Variants in TMEM192 observed in about 807,000 individuals in gnomAD.
TMEM192 encodes transmembrane protein 192.
Under a neutral mutation model 26.7 loss-of-function variants are expected in TMEM192, and 20 were observed. That is an observed-to-expected ratio of 0.75 (90% CI 0.53 to 1.09). TMEM192 has a LOEUF of 1.09. Among genes scored for constraint, TMEM192 ranks in the 50% least tolerant of loss-of-function variants. TMEM192 has a pLI of 0.00. For synonymous variants in TMEM192, 124 were observed against 121.0 expected, an observed-to-expected ratio of 1.02 and a Z score of -0.16; for missense variants, 304 against 322.6, an observed-to-expected ratio of 0.94 and a Z score of 0.44.
rs1382156678 is a variant in TMEM192, at chr4:165,077,921, GAC to G, written c.*1735_*1736del. 6.6e-6 allele frequency: 1 copy of G among 150,910 alleles called. No homozygotes were observed. Among genetic ancestry groups the G allele is most frequent in the East Asian group, 1.9e-4 (1 of 5,150 alleles). The allele number at this position is 150,910 out of a possible 1,614,324, so 9.3% of individuals were successfully genotyped here. A position where few individuals can be genotyped will look rare whatever the true frequency, so the allele number is the denominator to read the frequency against. ...TAGTTTGTGAATGTTGTGTGCAGGT[GAC>G]ACACGATCTTTTTTTTTTTTTTTTG... On this transcript the variant is annotated 3_prime_UTR_variant, in exon 6 of 6. Coordinates refer to ENST00000306480, the MANE Select transcript of TMEM192 (RefSeq NM_001100389.2).
In TMEM192 at chr4:165,079,509, C is replaced by T. The variant is rs1014937275; in HGVS notation, c.*149G>A. Reference sequence around the variant, plus strand: ...ACAAGCCCTATATTTTAAACAGCCACAGAAGTCAGAACCAAATTCAGGTTT... The same window carrying T: ...ACAAGCCCTATATTTTAAACAGCCATAGAAGTCAGAACCAAATTCAGGTTT... On this transcript the variant is annotated 3_prime_UTR_variant, in exon 6 of 6. Coordinates refer to ENST00000306480, the MANE Select transcript of TMEM192 (RefSeq NM_001100389.2). The T allele has an allele frequency of 1.2e-6, 1 of 832,452 alleles. No homozygotes were observed. The allele number at this position is 832,452 out of a possible 1,614,324, so 51.6% of individuals were successfully genotyped here. A position where few individuals can be genotyped will look rare whatever the true frequency, so the allele number is the denominator to read the frequency against.
At chr4:165,088,731 T>G in intron 3 of TMEM192, 129 bp from the exon 4 acceptor site, 1 of 909,166 alleles carries the variant, frequency 1.1e-6, no homozygotes, top group Non-Finnish European at 1.6e-6. Context: ...TCCTGAGTGA[T>G]CAGAGCCTTC....
chr4:165,093,097 CTTT>C (rs35970962), intron 3 of TMEM192, among the ~76,000 whole-genome samples: 1 of 120,950 alleles, frequency 8.3e-6, no homozygotes, highest in African/African-American at 3.1e-5. Context: ...TTTTTTTCTT[CTTT>C]TTTTTTTTTT....
At chr4:165,098,899 A>G (rs543595506) in intron 3 of TMEM192, among the ~76,000 whole-genome samples, 7 of 151,544 alleles carry the variant, frequency 4.6e-5, no homozygotes, top group Admixed American at 3.3e-4. Flanking sequence ...ATGAGGTTTC[A>G]CCATGTTGGC....
chr4:165,112,305 C>T (rs1578917835), intron 1 of TMEM192, among the ~76,000 whole-genome samples: 1 of 152,206 alleles, frequency 6.6e-6, no homozygotes, highest in African/African-American at 2.4e-5. Context: ...GGGACCTCAC[C>T]AGGAAGGGAG....
In TMEM192 at chr4:165,077,333, C is replaced by G. The variant is rs890851794; in HGVS notation, c.*2325G>C. On this transcript the variant is annotated 3_prime_UTR_variant, in exon 6 of 6. Transcript: ENST00000306480. Reference sequence around the variant, plus strand: ...TTAAAAATAAATAAGAGTTAATCATCTACCACTGGTGTTCCCTTTTGAAAA... The same window carrying G: ...TTAAAAATAAATAAGAGTTAATCATGTACCACTGGTGTTCCCTTTTGAAAA... 8 of 152,316 alleles carry G rather than the reference C, an allele frequency of 5.3e-5. No homozygotes were observed. Among genetic ancestry groups the G allele is most frequent in the African/African-American group, 1.9e-4 (8 of 41,574 alleles). 9.4% of individuals were successfully genotyped at this position (152,316 alleles called of 1,614,324 possible).
At chr4:165,094,399 C>A (rs1439396819) in intron 3 of TMEM192, among the ~76,000 whole-genome samples, 1 of 152,114 alleles carries the variant, frequency 6.6e-6, no homozygotes, top group African/African-American at 2.4e-5. Flanking sequence ...TTTTGTTTTA[C>A]ATCACTCACC....
At chr4:165,086,389 T>C (rs1269437982) in intron 4 of TMEM192, among the ~76,000 whole-genome samples, 1 of 148,098 alleles carries the variant, frequency 6.8e-6, no homozygotes, top group African/African-American at 2.5e-5. Context: ...GCATCAGGAG[T>C]GGCTGGTGTG....
rs1734504229 is a variant in TMEM192 at position 165,080,924 on chromosome 4, AG to A, written c.678-1129del. On this transcript the variant is annotated intron_variant, in intron 5 of 5. Coordinates refer to ENST00000306480, the MANE Select transcript of TMEM192 (RefSeq NM_001100389.2). ...GAGACAGGGTTTTACCATGTTGGCC[AG>A]GCTGGTTTCAAACTCCTGACCTCAG... 5.9e-5 allele frequency among the ~76,000 whole-genome samples: 9 copies of A among 152,128 alleles called. No homozygotes were observed. The South Asian group carries it at 1.9e-3, about 32-fold the overall frequency.
In TMEM192 at chr4:165,077,202, G is replaced by C. The variant is rs1439439996; in HGVS notation, c.*2456C>G. On this transcript the variant is annotated 3_prime_UTR_variant, in exon 6 of 6. Coordinates refer to ENST00000306480, the MANE Select transcript of TMEM192 (RefSeq NM_001100389.2). ...ATGATTATACAACAAACATGTTGATGATTACATAAGAACATAGGCACCCTA... is the reference window on the plus strand; with the variant it reads ...ATGATTATACAACAAACATGTTGATCATTACATAAGAACATAGGCACCCTA... 2 of 152,196 alleles carry C rather than the reference G, an allele frequency of 1.3e-5. No individual in the cohort carries two copies. The highest frequency in any genetic ancestry group is 4.8e-5 in the African/African-American group (2 of 41,452). The allele number at this position is 152,196 out of a possible 1,614,324, so 9.4% of individuals were successfully genotyped here.
intron 5 of TMEM192, among the ~76,000 whole-genome samples, chr4:165,080,526 G>A (rs1010084497): frequency 2.0e-5 from 3 of 152,046 alleles, no homozygotes; most frequent in Non-Finnish European, 4.4e-5. Flanking sequence ...AATGTTATTG[G>A]ATGTGTTTTA....
At position 165,100,716 on chromosome 4, in the gene TMEM192, G is replaced by T. The variant is rs772774858; in HGVS notation, c.351C>A (p.His117Gln). The change falls in exon 3 of 6, where the codon CAC becomes CAA. Residue 117 changes from histidine to glutamine, a missense_variant. Physicochemically the swap from His to Gln is conservative, Grantham distance 24. Transcript: ENST00000306480. ...HLLLECYIQY[H>Q]HSKIRNRGYN... ...AGCCTCGGTTTCTGATTTTGCTGTG[G>T]TGATACTGGATGTAGCATTCAAGGA... 4.3e-6 allele frequency: 7 copies of T among 1,614,070 alleles called. No homozygotes were observed. The highest frequency in any genetic ancestry group is 1.3e-5 in the African/African-American group (1 of 74,998).
intron 3 of TMEM192, among the ~76,000 whole-genome samples, chr4:165,093,097 CT>C (rs35970962): frequency 9.5e-4 from 115 of 120,922 alleles, no homozygotes; most frequent in African/African-American, 3.0e-3. Context: ...TTTTTTTCTT[CT>C]TTTTTTTTTT....
chr4:165,102,167 C>T (rs1735052153), intron 2 of TMEM192, among the ~76,000 whole-genome samples: 1 of 152,146 alleles, frequency 6.6e-6, no homozygotes, highest in African/African-American at 2.4e-5. Flanking sequence ...TGTCATCATA[C>T]AAAAATTGTA....
At position 165,077,355 on chromosome 4, in the gene TMEM192, A is replaced by G. The variant is rs951137382; in HGVS notation, c.*2303T>C. 3 of 152,188 alleles carry G rather than the reference A, an allele frequency of 2.0e-5. No homozygotes were observed. The highest frequency in any genetic ancestry group is 4.8e-5 in the African/African-American group (2 of 41,446). 9.4% of individuals were successfully genotyped at this position (152,188 alleles called of 1,614,324 possible). A position where few individuals can be genotyped will look rare whatever the true frequency, so the allele number is the denominator to read the frequency against. On this transcript the variant is annotated 3_prime_UTR_variant, in exon 6 of 6. Transcript: ENST00000306480. ...CATCTACCACTGGTGTTCCCTTTTG[A>G]AAAGAAAAACAACTGAAGGCAAAGT...
intron 1 of TMEM192, among the ~76,000 whole-genome samples, chr4:165,107,824 A>G (rs866385565): frequency 6.6e-6 from 1 of 152,174 alleles, no homozygotes; most frequent in Non-Finnish European, 1.5e-5. Context: ...CCCCAGCATC[A>G]TTCCTACTGC....
chr4:165,104,615 C>T (rs1478331113), intron 1 of TMEM192, among the ~76,000 whole-genome samples: 1 of 152,166 alleles, frequency 6.6e-6, no homozygotes, highest in Non-Finnish European at 1.5e-5. Context: ...ATTGCAACTT[C>T]TGCCCCCTGG....
At chr4:165,088,844 G>A (rs1217937775) in intron 3 of TMEM192, among the ~76,000 whole-genome samples, 2 of 151,620 alleles carry the variant, frequency 1.3e-5, no homozygotes, top group Non-Finnish European at 2.9e-5. Flanking sequence ...GTCGAGACCA[G>A]CTTAGGCAAC....
chr4:165,108,946 G>A (rs1295900538), intron 1 of TMEM192, among the ~76,000 whole-genome samples: 4 of 152,200 alleles, frequency 2.6e-5, no homozygotes, highest in Non-Finnish European at 2.9e-5. Context: ...GCAGTAAGCC[G>A]GAGCAGTGAT....
Sources: allele counts gnomAD v4.1 joint callset (sites outside exome capture counted in the v4.1 genomes callset), GRCh38; gene constraint gnomAD v4.1.1; transcripts MANE v1.5; gene names NCBI Gene and HGNC (gene_info 2026-07-23, HGNC 2026-07-21).